Variants in NDUFV1 observed in about 807,000 individuals in gnomAD.
The protein encoded by NDUFV1 is NADH dehydrogenase [ubiquinone] flavoprotein 1, mitochondrial.
A neutral mutation model predicts 48.7 loss-of-function variants in NDUFV1; 41 were observed. The ratio of observed to expected loss-of-function variants is 0.84; its 90% CI spans 0.66 to 1.09. The LOEUF (loss-of-function observed/expected upper bound fraction) is 1.09, where lower values mean the gene tolerates loss of function less well. Ranked by LOEUF, NDUFV1 falls within the 50% of genes least tolerant of loss-of-function variation. The pLI, the probability that NDUFV1 is intolerant of heterozygous loss-of-function variation, is 0.00. For synonymous variants in NDUFV1, 231 were observed against 259.1 expected (o/e 0.89, Z 1.04); for missense variants, 580 against 645.4 (o/e 0.90, Z 1.10).
At chr11:67,610,266 C>A in intron 4 of NDUFV1, 115 bp from the exon 5 acceptor site, 1 of 1,242,362 alleles carries the variant, frequency 8.0e-7, no homozygotes, top group Non-Finnish European at 1.2e-6. Context: ...TTTTTTATAC[C>A]AGGAGCATTA....
Position 67,612,245 on chromosome 11 carries a change from G to C in NDUFV1, c.1288G>C (p.Gly430Arg), listed in dbSNP as rs776298670. The change falls in exon 9 of 10, where the codon GGG becomes CGG. Residue 430 changes from glycine to arginine, a missense_variant. By Grantham distance (125) the Gly-to-Arg change is moderately radical (BLOSUM62 -2). Transcript: ENST00000322776. The surrounding 1 kb of genome is among the most constrained non-coding windows in gnomAD (Gnocchi z 4.4). ...EGHTICALGD[G>R]AAWPVQGLIR... Reference sequence around the variant, plus strand: ...CCATACGATTTGTGCTCTGGGTGACGGGGCCGCCTGGCCTGTGCAGGTATT... The same window carrying C: ...CCATACGATTTGTGCTCTGGGTGACCGGGCCGCCTGGCCTGTGCAGGTATT... 3 of 1,613,856 alleles carry C rather than the reference G, an allele frequency of 1.9e-6. No homozygotes were observed.
At chr11:67,607,856 G>A (rs111640455) in intron 1 of NDUFV1, among the ~76,000 whole-genome samples, 25 of 152,316 alleles carry the variant, frequency 1.6e-4, no homozygotes, top group African/African-American at 5.3e-4. Flanking sequence ...AGAGAAAATC[G>A]TTCCTATCAG....
chr11:67,609,707 T>C, intron 4 of NDUFV1, 72 bp downstream of exon 4: 4 of 1,543,690 alleles, frequency 2.6e-6, no homozygotes, highest in Non-Finnish European at 3.5e-6. Context: ...CCCAGCACAG[T>C]TGTTCTGAGG....
chr11:67,612,330 A>G lies in NDUFV1; in HGVS notation c.1309-42A>G, dbSNP rs530500186. On this transcript the variant is annotated intron_variant, in intron 9 of 9. Coordinates refer to ENST00000322776, the MANE Select transcript of NDUFV1 (RefSeq NM_007103.4). This position sits in a 1 kb window ranked among gnomAD's most constrained non-coding sequence, Gnocchi z 4.4. ...CATCAAGGGCCCAGGGTGTTGGGGG[A>G]TTTTTGGACTCTGTTTCACATGGTC... is the stretch of plus-strand genomic sequence containing the variant. The G allele has an allele frequency of 1.9e-6, 3 of 1,613,342 alleles. No homozygotes were observed. In the African/African-American group the frequency reaches 4.0e-5, roughly 22 times the overall value.
rs11227858 is a variant in NDUFV1, at chr11:67,611,236, G to C, written c.913+29G>C. 3.7e-6 allele frequency: 6 copies of C among 1,611,292 alleles called. No individual in the cohort carries two copies. The highest frequency in any genetic ancestry group is 2.2e-5 in the East Asian group (1 of 44,866). Reference sequence around the variant, plus strand: ...AGGCCTGGGGCCAGCCAGGTGGTGGGGGGGTGCGCAGTGGGGGCAGGTGTC... The same window carrying C: ...AGGCCTGGGGCCAGCCAGGTGGTGGCGGGGTGCGCAGTGGGGGCAGGTGTC... On this transcript the variant is annotated intron_variant, in intron 6 of 9. Transcript: ENST00000322776. The surrounding 1 kb of genome is among the most constrained non-coding windows in gnomAD (Gnocchi z 4.2).
chr11:67,610,438 G>A lies in NDUFV1; in HGVS notation c.568G>A (p.Gly190Ser). Residue 190 changes from glycine (G) to serine (S), a missense_variant, in exon 5 of 10, where the codon GGC becomes AGC. Physicochemically the swap from Gly to Ser is moderately conservative, Grantham distance 56. Coordinates refer to ENST00000322776, the MANE Select transcript of NDUFV1 (RefSeq NM_007103.4). ...GLIGKNACGSGYDFDVFVVRG... is the reference protein window; with the variant it reads ...GLIGKNACGSSYDFDVFVVRG... ...GATTGGCAAGAATGCTTGTGGCTCT[G>A]GCTATGATTTTGACGTGTTTGTGGT... 1 of 1,614,196 alleles carries A rather than the reference G, an allele frequency of 6.2e-7. No individual in the cohort carries two copies. Among genetic ancestry groups the A allele is most frequent in the Non-Finnish European group, 8.5e-7 (1 of 1,180,038 alleles).
rs371009249 is a variant in NDUFV1 at position 67,612,160 on chromosome 11, G to T, written c.1203G>T (p.Arg401Ser). 2.5e-6 allele frequency: 4 copies of T among 1,613,514 alleles called. No homozygotes were observed. In the Admixed American group the frequency reaches 5.0e-5, roughly 20 times the overall value. The change falls in exon 9 of 10, where the codon AGG (arginine) becomes AGT (serine). Residue 401 changes from arginine to serine, a missense_variant. By Grantham distance (110) the Arg-to-Ser change is moderately radical. Coordinates refer to ENST00000322776, the MANE Select transcript of NDUFV1 (RefSeq NM_007103.4). The surrounding 1 kb of genome is among the most constrained non-coding windows in gnomAD (Gnocchi z 4.4). ...ACAAGGTGATGGCACGTTTCGTGAG[G>T]GGGGATGCCCGGCCGGCCGAGATCG... The part of the protein sequence containing the change: ...WMNKVMARFV[R>S]GDARPAEIDS...
intron 1 of NDUFV1, chr11:67,607,691 T>C (rs1382089): frequency 0.98 from 345,928 of 353,636 alleles, 169,660 homozygotes; most frequent in East Asian, 1. Context: ...AGGGCCAAGC[T>C]GCCACACTCG....
At chr11:67,609,730 G>T (rs566287563) in intron 4 of NDUFV1, 95 bp downstream of exon 4, 1 of 1,422,596 alleles carries the variant, frequency 7.0e-7, no homozygotes, top group Admixed American at 1.7e-5. Context: ...TTAGTACCTG[G>T]TCTGTCAGTG....
rs1169686440 is a variant in NDUFV1 at position 67,612,455 on chromosome 11, T to TTA, written c.1393_1394dup (p.Ter465TyrfsTer20). 1 of 1,611,544 alleles carries TTA rather than the reference T, an allele frequency of 6.2e-7. No homozygotes were observed. Among genetic ancestry groups the TTA allele is most frequent in the South Asian group, 1.1e-5 (1 of 90,900 alleles). On this transcript the variant is annotated frameshift_variant, in exon 10 of 10. Transcript: ENST00000322776. LOFTEE classifies it high-confidence loss of function. This position sits in a 1 kb window ranked among gnomAD's most constrained non-coding sequence, Gnocchi z 4.4. ...AGCATCAGGCCCGGCAGGCTGCCTC[T>TTA]TAGCCCACCACCCTGGCCTGCTGTC...
At chr11:67,607,432 GCT>G (rs1334868246) in intron 1 of NDUFV1, 1 of 509,472 alleles carries the variant, frequency 2.0e-6, no homozygotes, top group African/African-American at 1.9e-5. Flanking sequence ...CCCGTCCACT[GCT>G]CTGCGCCCTG....
At position 67,612,483 on chromosome 11, in the gene NDUFV1, G is replaced by C. The variant is rs1037348173; in HGVS notation, c.*25G>C. On this transcript the variant is annotated 3_prime_UTR_variant, in exon 10 of 10. Coordinates refer to ENST00000322776, the MANE Select transcript of NDUFV1 (RefSeq NM_007103.4). The surrounding 1 kb of genome is among the most constrained non-coding windows in gnomAD (Gnocchi z 4.4). ...GCCCACCACCCTGGCCTGCTGTCCT[G>C]CGTCTATCCATGTGGAATGCTGGAC... The C allele has an allele frequency of 3.1e-6, 5 of 1,605,176 alleles. No homozygotes were observed. The highest frequency in any genetic ancestry group is 1.7e-5 in the Admixed American group (1 of 59,184).
At position 67,606,936 on chromosome 11, in the gene NDUFV1, A is replaced by T; in HGVS notation, c.-69A>T. The T allele has an allele frequency of 6.5e-7, 1 of 1,533,348 alleles. No homozygotes were observed. The highest frequency in any genetic ancestry group is 8.9e-7 in the Non-Finnish European group (1 of 1,126,036). 95.0% of individuals were successfully genotyped at this position (1,533,348 alleles called of 1,614,324 possible). On this transcript the variant is annotated 5_prime_UTR_variant, in exon 1 of 10. Coordinates refer to ENST00000322776, the MANE Select transcript of NDUFV1 (RefSeq NM_007103.4). Reference sequence around the variant, plus strand: ...TTCCTGCGCGCCACCTAGCGTCTCTATCGCGCCAGTTCCTCAGCCTCAGTG... The same window carrying T: ...TTCCTGCGCGCCACCTAGCGTCTCTTTCGCGCCAGTTCCTCAGCCTCAGTG...
chr11:67,610,941 G>A, intron 5 of NDUFV1, 54 bp from the exon 6 acceptor site: 1 of 1,576,828 alleles, frequency 6.3e-7, no homozygotes, highest in South Asian at 1.1e-5. Context: ...CTCCCTGCCA[G>A]GAAACTTGCC....
rs748610205 is a variant in NDUFV1 at position 67,612,220 on chromosome 11, C to T, written c.1263C>T (p.Gly421=). The part of the protein sequence containing the change: ...SLWEISKQIE[G]HTICALGDGA... ...GGGAGATCAGCAAGCAGATAGAAGG[C>T]CATACGATTTGTGCTCTGGGTGACG... Residue 421 remains glycine (G), a synonymous_variant, in exon 9 of 10, where the codon GGC becomes GGT. Coordinates refer to ENST00000322776, the MANE Select transcript of NDUFV1 (RefSeq NM_007103.4). This position sits in a 1 kb window ranked among gnomAD's most constrained non-coding sequence, Gnocchi z 4.4. The T allele has an allele frequency of 6.2e-7, 1 of 1,613,498 alleles. No homozygotes were observed. The highest frequency in any genetic ancestry group is 8.5e-7 in the Non-Finnish European group (1 of 1,179,900).
chr11:67,610,539 C>G lies in NDUFV1; in HGVS notation c.669C>G (p.Pro223=). The G allele has an allele frequency of 6.2e-7, 1 of 1,614,184 alleles. No homozygotes were observed. Among genetic ancestry groups the G allele is most frequent in the Non-Finnish European group, 8.5e-7 (1 of 1,180,030 alleles). The part of the protein sequence containing the change: ...IESIEGKQGK[P]RLKPPFPADV... ...CCATTGAGGGCAAGCAGGGCAAGCC[C>G]CGCCTGAAGCCCCCCTTCCCCGCAG... is the stretch of plus-strand genomic sequence containing the variant. The change falls in exon 5 of 10, where the codon CCC becomes CCG. Residue 223 remains proline (P), a synonymous_variant. Coordinates refer to ENST00000322776, the MANE Select transcript of NDUFV1 (RefSeq NM_007103.4).
At position 67,611,146 on chromosome 11, in the gene NDUFV1, C is replaced by T; in HGVS notation, c.852C>T (p.His284=). 1 of 1,614,242 alleles carries T rather than the reference C, an allele frequency of 6.2e-7. No homozygotes were observed. The highest frequency in any genetic ancestry group is 8.5e-7 in the Non-Finnish European group (1 of 1,180,046). ...KLFNISGHVN[H]PCTVEEEMSV... ...TCAACATCTCTGGCCATGTCAACCA[C>T]CCTTGCACTGTGGAGGAGGAGATGT... Residue 284 remains histidine (H), a synonymous_variant, in exon 6 of 10, where the codon CAC becomes CAT. Transcript: ENST00000322776. The surrounding 1 kb of genome is among the most constrained non-coding windows in gnomAD (Gnocchi z 4.2).
chr11:67,611,650 C>G lies in NDUFV1; in HGVS notation c.1080+81C>G. 6.5e-7 allele frequency: 1 copy of G among 1,548,198 alleles called. No homozygotes were observed. On this transcript the variant is annotated intron_variant, in intron 7 of 9. Coordinates refer to ENST00000322776, the MANE Select transcript of NDUFV1 (RefSeq NM_007103.4). This position sits in a 1 kb window ranked among gnomAD's most constrained non-coding sequence, Gnocchi z 4.2. ...CTGGGCCTCCCAGAAAACCCTCTTGCCAGCACTCAGGTCTCAGTTCCTGCA... is the reference window on the plus strand; with the variant it reads ...CTGGGCCTCCCAGAAAACCCTCTTGGCAGCACTCAGGTCTCAGTTCCTGCA...
Position 67,610,287 on chromosome 11 carries a change from C to T in NDUFV1, c.511-94C>T, listed in dbSNP as rs11227856. 13,389 of 1,437,270 alleles carry T rather than the reference C, an allele frequency of 9.3e-3. 1,002 individuals carry two copies. The African/African-American group carries it at 0.16, about 18-fold the overall frequency. 89.0% of individuals were successfully genotyped at this position (1,437,270 alleles called of 1,614,324 possible). A position where few individuals can be genotyped will look rare whatever the true frequency, so the allele number is the denominator to read the frequency against. On this transcript the variant is annotated intron_variant, in intron 4 of 9. Transcript: ENST00000322776. The stretch of plus-strand genomic sequence containing the variant: ...ATACCAGGAGCATTAGGAGCTTCAC[C>T]GTGGGAGGCCTTCAAGGGCTTCATG...
Sources: allele counts gnomAD v4.1 joint callset (sites outside exome capture counted in the v4.1 genomes callset), GRCh38; gene constraint gnomAD v4.1.1; non-coding constraint Gnocchi (gnomAD v3.1); transcripts MANE v1.5; gene names NCBI Gene and HGNC (gene_info 2026-07-23, HGNC 2026-07-21).